The following IL1RAPL2 variants were observed in gnomAD, a reference collection of about 807,000 sequenced individuals.
The protein encoded by IL1RAPL2 is X-linked interleukin-1 receptor accessory protein-like 2.
IL1RAPL2 carries 3 observed loss-of-function variants against 44.1 expected under a neutral mutation model. That is an observed-to-expected ratio of 0.07 (90% confidence interval 0.03 to 0.18). The LOEUF (loss-of-function observed/expected upper bound fraction) is 0.18. Ranked by LOEUF, IL1RAPL2 falls within the 10% of genes least tolerant of loss-of-function variation. The pLI is 1.00. For synonymous variants in IL1RAPL2, 181 were observed against 178.8 expected (o/e 1.01, Z -0.10); for missense variants, 391 against 496.4 (o/e 0.79, Z 2.02).
At chrX:105,536,626 A>T (rs758694602) in intron 6 of IL1RAPL2, among the ~76,000 whole-genome samples, 8 of 110,967 alleles carry the variant, frequency 7.2e-5, no homozygotes, top group Non-Finnish European at 1.3e-4. Flanking sequence ...CAGTTGTCAA[A>T]CATTTACCAG....
At chrX:104,971,506 C>G (rs1402213542) in intron 2 of IL1RAPL2, among the ~76,000 whole-genome samples, 1 of 111,039 alleles carries the variant, frequency 9.0e-6, no homozygotes, top group African/African-American at 3.3e-5. Context: ...GAATGTTAAC[C>G]TCAATCTGTC....
intron 2 of IL1RAPL2, among the ~76,000 whole-genome samples, chrX:105,086,942 G>A (rs2032487547): frequency 9.1e-6 from 1 of 110,475 alleles, no homozygotes; most frequent in Non-Finnish European, 1.9e-5. Flanking sequence ...TAGGGTACCA[G>A]TGTTTTACTA....
chrX:105,546,660 C>T (rs1316374318), intron 6 of IL1RAPL2, among the ~76,000 whole-genome samples: 1 of 110,770 alleles, frequency 9.0e-6, no homozygotes, highest in Non-Finnish European at 1.9e-5. Context: ...TGTTGCCTGA[C>T]CTTTGAAGGA....
At chrX:104,871,702 A>G (rs950201418) in intron 2 of IL1RAPL2, among the ~76,000 whole-genome samples, 1 of 111,774 alleles carries the variant, frequency 8.9e-6, no homozygotes, top group Non-Finnish European at 1.9e-5. Flanking sequence ...AAAGGGGATT[A>G]GAATGCAAAC....
At chrX:104,725,116 T>C (rs746273529) in intron 2 of IL1RAPL2, among the ~76,000 whole-genome samples, 176 of 111,491 alleles carry the variant, frequency 1.6e-3, no homozygotes, top group African/African-American at 5.4e-3. Flanking sequence ...CTACCACTTA[T>C]GAGTGAGAAC....
chrX:104,840,840 A>C (rs1351241232), intron 2 of IL1RAPL2, among the ~76,000 whole-genome samples: 1 of 106,902 alleles, frequency 9.4e-6, no homozygotes, highest in African/African-American at 3.6e-5. Flanking sequence ...ACACCCAGTT[A>C]TTATTTATTT....
chrX:105,150,398 A>G (rs1173061115), intron 2 of IL1RAPL2, among the ~76,000 whole-genome samples: 1 of 112,108 alleles, frequency 8.9e-6, no homozygotes, highest in African/African-American at 3.2e-5. Flanking sequence ...ATCTGTTCAA[A>G]TATTTCACTG....
chrX:105,190,580 C>A (rs2033624812), intron 2 of IL1RAPL2, among the ~76,000 whole-genome samples: 1 of 111,509 alleles, frequency 9.0e-6, no homozygotes, highest in East Asian at 2.8e-4. Flanking sequence ...ACATAATAAG[C>A]TAGTATAGGG....
chrX:104,769,972 A>T (rs1010808758), intron 2 of IL1RAPL2, among the ~76,000 whole-genome samples: 4 of 112,030 alleles, frequency 3.6e-5, no homozygotes, highest in Non-Finnish European at 7.5e-5. Context: ...GTTTGGACAC[A>T]TGCTGTGTCA....
chrX:104,889,812 T>TA (rs1281299093), intron 2 of IL1RAPL2, among the ~76,000 whole-genome samples: 5 of 109,699 alleles, frequency 4.6e-5, no homozygotes, highest in Admixed American at 3.9e-4. Flanking sequence ...GACTTTTTTT[T>TA]ATTGTACTTT....
At chrX:105,290,071 T>G (rs979678370) in intron 5 of IL1RAPL2, among the ~76,000 whole-genome samples, 4 of 111,558 alleles carry the variant, frequency 3.6e-5, no homozygotes, top group African/African-American at 1.3e-4. Flanking sequence ...TAGTTGCTAA[T>G]TGACAGGATC....
chrX:105,751,134 C>T (rs2038593921), intron 9 of IL1RAPL2, among the ~76,000 whole-genome samples: 1 of 110,100 alleles, frequency 9.1e-6, no homozygotes, highest in African/African-American at 3.3e-5. Flanking sequence ...ATTAGTTGGG[C>T]ATGGTGGTGC....
intron 10 of IL1RAPL2, among the ~76,000 whole-genome samples, chrX:105,763,714 A>G (rs2038706371): frequency 9.0e-6 from 1 of 111,107 alleles, no homozygotes; most frequent in Non-Finnish European, 1.9e-5. Context: ...GCTAGGGCAC[A>G]GTCTCGCCTT....
chrX:104,612,535 TG>T (rs749167257), intron 1 of IL1RAPL2, among the ~76,000 whole-genome samples: 68 of 111,969 alleles, frequency 6.1e-4, no homozygotes, highest in African/African-American at 2.1e-3. Context: ...CATTGGTTTA[TG>T]GGTCTGTTTT....
chrX:105,108,606 G>T (rs2032769900), intron 2 of IL1RAPL2, among the ~76,000 whole-genome samples: 1 of 104,670 alleles, frequency 9.6e-6, no homozygotes, highest in Non-Finnish European at 1.9e-5. Flanking sequence ...CTCCTAAAGT[G>T]CTGGGATTAC....
intron 10 of IL1RAPL2, chrX:105,765,400 T>A (rs2038721559): frequency 8.9e-6 from 1 of 112,331 alleles, no homozygotes; most frequent in African/African-American, 3.2e-5. Context: ...GTGGTGTTTT[T>A]TTGTTTCATT....
intron 1 of IL1RAPL2, among the ~76,000 whole-genome samples, chrX:104,600,689 C>G (rs1928865073): frequency 1.8e-5 from 2 of 110,686 alleles, no homozygotes; most frequent in Non-Finnish European, 3.8e-5. Flanking sequence ...TTCTAGTAGT[C>G]CCCAGTGTCT....
At chrX:105,104,300 C>T (rs780702619) in intron 2 of IL1RAPL2, among the ~76,000 whole-genome samples, 3 of 111,566 alleles carry the variant, frequency 2.7e-5, no homozygotes, top group Non-Finnish European at 3.8e-5. Flanking sequence ...CAGAAAAAAA[C>T]ACTAGTGACG....
At chrX:105,068,359 G>T (rs2032164586) in intron 2 of IL1RAPL2, among the ~76,000 whole-genome samples, 1 of 111,547 alleles carries the variant, frequency 9.0e-6, no homozygotes, top group Non-Finnish European at 1.9e-5. Flanking sequence ...AAAACACCTA[G>T]GTTCCAGTCT....
Sources: gnomAD v4.1 joint callset for allele counts (sites outside exome capture counted in the v4.1 genomes callset) on GRCh38, gnomAD v4.1.1 for gene constraint, MANE v1.5 for transcripts, NCBI Gene and HGNC (gene_info 2026-07-23, HGNC 2026-07-21) for gene names.